Variants in B3GLCT observed in about 807,000 individuals in gnomAD.
The protein encoded by B3GLCT is beta-1,3-glucosyltransferase.
A neutral mutation model predicts 63.4 loss-of-function variants in B3GLCT; 65 were observed. The ratio of observed to expected loss-of-function variants is 1.03; its 90% CI spans 0.84 to 1.26. The LOEUF (loss-of-function observed/expected upper bound fraction) is 1.26. Among genes scored for constraint, B3GLCT ranks in the 50% most tolerant of loss-of-function variants. The pLI is 0.00. For missense variants in B3GLCT, 577 were observed against 604.8 expected (o/e 0.95, Z 0.48); for synonymous variants, 233 against 219.2 (o/e 1.06, Z -0.55).
chr13:31,231,239 A>C (rs1413019256), intron 4 of B3GLCT, among the ~76,000 whole-genome samples: 2 of 152,052 alleles, frequency 1.3e-5, no homozygotes, highest in African/African-American at 4.8e-5. Flanking sequence ...GATCCAGGGA[A>C]GCTCTAACTG....
chr13:31,286,738 T>G lies in B3GLCT; in HGVS notation c.983T>G (p.Phe328Cys). 1 of 1,612,732 alleles carries G rather than the reference T, an allele frequency of 6.2e-7. No individual in the cohort carries two copies. The highest frequency in any genetic ancestry group is 1.1e-5 in the South Asian group (1 of 90,982). Reference protein sequence around the residue: ...NTDRGHCGKTFAILERFLNRS... With the variant: ...NTDRGHCGKTCAILERFLNRS... ...TTTCTAGGTCATTGTGGAAAGACAT[T>G]TGCCATTTTGGAAAGATTTCTGAAT... is the stretch of plus-strand genomic sequence containing the variant. Residue 328 changes from phenylalanine to cysteine, a missense_variant, in exon 12 of 15, where the codon TTT becomes TGT. By Grantham distance (205) the Phe-to-Cys change is radical. Coordinates refer to ENST00000343307, the MANE Select transcript of B3GLCT (RefSeq NM_194318.4).
At chr13:31,232,145 C>T (rs1032993714) in intron 4 of B3GLCT, among the ~76,000 whole-genome samples, 1 of 152,236 alleles carries the variant, frequency 6.6e-6, no homozygotes, top group Non-Finnish European at 1.5e-5. Flanking sequence ...ATCCCAGCTT[C>T]ATCTTCCACC....
chr13:31,240,603 A>AT (rs978160723), intron 4 of B3GLCT, among the ~76,000 whole-genome samples: 3 of 151,148 alleles, frequency 2.0e-5, no homozygotes, highest in South Asian at 2.1e-4. Flanking sequence ...TAATTTCAGA[A>AT]TTTTTTTTTA....
chr13:31,201,810 G>A (rs544944019), intron 1 of B3GLCT, among the ~76,000 whole-genome samples: 14 of 152,306 alleles, frequency 9.2e-5, no homozygotes, highest in Non-Finnish European at 7.3e-5. Context: ...AGGACATTCA[G>A]AATGCACTAA....
rs138094664 is a variant in B3GLCT, at chr13:31,317,631, G to T, written c.1130G>T (p.Arg377Leu). The part of the protein sequence containing the change: ...DSGEPVFLGE[R>L]YGYGLGTGGY... ...GGCGAGCCTGTGTTTCTGGGAGAGCGCTACGGCTACGGCCTGGGCACTGGT... is the reference window on the plus strand; with the variant it reads ...GGCGAGCCTGTGTTTCTGGGAGAGCTCTACGGCTACGGCCTGGGCACTGGT... Residue 377 changes from arginine (R) to leucine (L), a missense_variant, in exon 13 of 15, where the codon CGC (arginine) becomes CTC (leucine). Transcript: ENST00000343307. 1 of 1,613,984 alleles carries T rather than the reference G, an allele frequency of 6.2e-7. No individual in the cohort carries two copies. Among genetic ancestry groups the T allele is most frequent in the Admixed American group, 1.7e-5 (1 of 60,016 alleles).
chr13:31,318,256 A>G (rs1198453332), intron 13 of B3GLCT, among the ~76,000 whole-genome samples: 1 of 152,220 alleles, frequency 6.6e-6, no homozygotes, highest in African/African-American at 2.4e-5. Context: ...TAGTCTTACT[A>G]TTGGTGCGTG....
chr13:31,272,892 A>G (rs565689178), intron 8 of B3GLCT, among the ~76,000 whole-genome samples: 1 of 152,114 alleles, frequency 6.6e-6, no homozygotes, highest in Non-Finnish European at 1.5e-5. Context: ...AGGCCTTCCA[A>G]TTGAATCCTT....
chr13:31,248,530 C>A (rs7982806), intron 6 of B3GLCT, among the ~76,000 whole-genome samples: 1 of 151,966 alleles, frequency 6.6e-6, no homozygotes, highest in Non-Finnish European at 1.5e-5. Flanking sequence ...TGGAATCTAA[C>A]CTGGGAGGGT....
At chr13:31,230,814 C>T (rs1391319400) in intron 4 of B3GLCT, among the ~76,000 whole-genome samples, 2 of 152,028 alleles carry the variant, frequency 1.3e-5, no homozygotes, top group Admixed American at 1.3e-4. Flanking sequence ...TCGAGACCAT[C>T]CTGGCCAATA....
chr13:31,301,046 C>G (rs1874198706), intron 12 of B3GLCT, among the ~76,000 whole-genome samples: 1 of 152,182 alleles, frequency 6.6e-6, no homozygotes, highest in Non-Finnish European at 1.5e-5. Flanking sequence ...AGACTAGAAG[C>G]AAGATGGAGT....
chr13:31,287,177 G>T (rs1873376710), intron 12 of B3GLCT, among the ~76,000 whole-genome samples: 2 of 152,190 alleles, frequency 1.3e-5, no homozygotes, highest in African/African-American at 4.8e-5. Context: ...GGAGACCAAG[G>T]CTATTACAGT....
At chr13:31,223,626 A>C (rs182160824) in intron 3 of B3GLCT, among the ~76,000 whole-genome samples, 1 of 151,790 alleles carries the variant, frequency 6.6e-6, no homozygotes, top group Non-Finnish European at 1.5e-5. Context: ...GTTAGACTTT[A>C]AAAAAAAATT....
intron 3 of B3GLCT, among the ~76,000 whole-genome samples, chr13:31,225,159 G>A (rs1267394239): frequency 1.3e-5 from 2 of 152,192 alleles, no homozygotes; most frequent in African/African-American, 4.8e-5. Flanking sequence ...CACTTAGTGT[G>A]CGGCCCATTT....
At chr13:31,239,349 AGACT>A (rs768877995) in intron 4 of B3GLCT, among the ~76,000 whole-genome samples, 1 of 152,134 alleles carries the variant, frequency 6.6e-6, no homozygotes, top group Non-Finnish European at 1.5e-5. Context: ...GAAGTGATCG[AGACT>A]GACTATTTAA....
Position 31,297,470 on chromosome 13 carries a change from C to G in B3GLCT, c.1064+10651C>G, listed in dbSNP as rs147154272. ...ATTAGTTGGTTAGGAAAAAACTGAG[C>G]TATTTTCCCCTCTGTTCTCACACTG... On this transcript the variant is annotated intron_variant, in intron 12 of 14. Transcript: ENST00000343307. Among the ~76,000 whole-genome samples, 608 of 150,312 alleles carry G rather than the reference C, an allele frequency of 4.0e-3. 3 individuals are homozygous for G. The highest frequency in any genetic ancestry group is 0.014 in the African/African-American group (580 of 40,628).
At chr13:31,204,331 A>G (rs770487437) in intron 1 of B3GLCT, among the ~76,000 whole-genome samples, 7 of 152,164 alleles carry the variant, frequency 4.6e-5, no homozygotes, top group African/African-American at 7.2e-5. Context: ...ACATCCTACA[A>G]AGGCACAGGA....
chr13:31,200,389 C>T (rs1868584652), intron 1 of B3GLCT, among the ~76,000 whole-genome samples: 1 of 149,812 alleles, frequency 6.7e-6, no homozygotes, highest in Non-Finnish European at 1.5e-5. Context: ...CCCTTTCGGT[C>T]TTGGGTCCCC....
intron 4 of B3GLCT, among the ~76,000 whole-genome samples, chr13:31,230,412 G>A (rs938179702): frequency 2.6e-5 from 4 of 152,202 alleles, no homozygotes; most frequent in African/African-American, 9.6e-5. Context: ...AGACATATGT[G>A]CGTGACAGAT....
chr13:31,240,180 A>T lies in B3GLCT; in HGVS notation c.271-6843A>T, dbSNP rs147915195. Among the ~76,000 whole-genome samples, 10 of 152,252 alleles carry T rather than the reference A, an allele frequency of 6.6e-5. No individual in the cohort carries two copies. In the East Asian group the frequency reaches 1.4e-3, roughly 21 times the overall value. Reference sequence around the variant, plus strand: ...TCAGGATGCTTAAAAGGGTTTCATTATTGGGGGCAGAGGTCGGCGGGTCAG... The same window carrying T: ...TCAGGATGCTTAAAAGGGTTTCATTTTTGGGGGCAGAGGTCGGCGGGTCAG... On this transcript the variant is annotated intron_variant, in intron 4 of 14. Transcript: ENST00000343307.
Sources: gnomAD v4.1 joint callset for allele counts (sites outside exome capture counted in the v4.1 genomes callset) on GRCh38, gnomAD v4.1.1 for gene constraint, MANE v1.5 for transcripts, NCBI Gene and HGNC (gene_info 2026-07-23, HGNC 2026-07-21) for gene names.